Variants in KATNIP observed in about 807,000 individuals in gnomAD.
The protein encoded by KATNIP is katanin-interacting protein.
In KATNIP, 126 loss-of-function variants were observed where a neutral mutation model predicts 174.0. That is an observed-to-expected ratio of 0.72 (90% CI 0.63 to 0.84). KATNIP has a LOEUF of 0.84. Among genes scored for constraint, KATNIP ranks in the 40% least tolerant of loss-of-function variants. The pLI is 0.00. For synonymous variants in KATNIP, 810 were observed against 835.7 expected, an observed-to-expected ratio of 0.97 and a Z score of 0.53; for missense variants, 1,958 against 2,109.7, an observed-to-expected ratio of 0.93 and a Z score of 1.41.
At chr16:27,738,253 G>T (rs536086844) in intron 14 of KATNIP, among the ~76,000 whole-genome samples, 4 of 152,274 alleles carry the variant, frequency 2.6e-5, no homozygotes, top group Non-Finnish European at 5.9e-5. Context: ...CCATAAGTGG[G>T]TGGTTGCCTG....
intron 2 of KATNIP, among the ~76,000 whole-genome samples, chr16:27,610,876 C>T (rs2075870733): frequency 6.6e-6 from 1 of 152,214 alleles, no homozygotes; most frequent in Non-Finnish European, 1.5e-5. Context: ...TCATCAGAAA[C>T]TCAAAAGAAT....
At chr16:27,615,516 G>T (rs552413000) in intron 2 of KATNIP, among the ~76,000 whole-genome samples, 1 of 151,936 alleles carries the variant, frequency 6.6e-6, no homozygotes, top group South Asian at 2.1e-4. Context: ...CACCATGCCT[G>T]ACTAATTTTT....
At chr16:27,741,048 T>C (rs1429615168) in intron 15 of KATNIP, 128 bp downstream of exon 15, 2 of 946,402 alleles carry the variant, frequency 2.1e-6, no homozygotes, top group Non-Finnish European at 3.1e-6. Flanking sequence ...CAACTAAGGG[T>C]CACAAAATCA....
chr16:27,602,486 A>G (rs1414573386), intron 2 of KATNIP, among the ~76,000 whole-genome samples: 3 of 152,184 alleles, frequency 2.0e-5, no homozygotes, highest in African/African-American at 7.2e-5. Flanking sequence ...TGTTCCTGCC[A>G]TCTGAAAGCC....
intron 8 of KATNIP, among the ~76,000 whole-genome samples, chr16:27,690,487 C>T (rs1597181507): frequency 1.3e-5 from 2 of 152,310 alleles, no homozygotes; most frequent in South Asian, 2.1e-4. Flanking sequence ...CACATTGCAG[C>T]GGTCCACATA....
rs974208420 is a variant in KATNIP, at chr16:27,768,480, G to A, written c.3976-1381G>A. ...TTGCCATCACTGAATCTACTTTTGG[G>A]CGACTCTGTCCAGGGCACACTCTGG... On this transcript the variant is annotated intron_variant, in intron 20 of 27. Coordinates refer to ENST00000261588, the MANE Select transcript of KATNIP (RefSeq NM_015202.5). Among the ~76,000 whole-genome samples the A allele has an allele frequency of 5.2e-4, 79 of 152,098 alleles. 1 individual carries two copies. The highest frequency in any genetic ancestry group is 1.6e-4 in the Non-Finnish European group (11 of 68,024).
intron 1 of KATNIP, among the ~76,000 whole-genome samples, chr16:27,550,431 G>GGGAT (rs1279754990): frequency 6.6e-6 from 1 of 152,148 alleles, no homozygotes; most frequent in African/African-American, 2.4e-5. Context: ...GCTCAGTGAA[G>GGGAT]GGATGTAGGG....
At chr16:27,631,310 G>A (rs561580108) in intron 5 of KATNIP, 148 bp downstream of exon 5, 1 of 608,182 alleles carries the variant, frequency 1.6e-6, no homozygotes, top group South Asian at 2.1e-5. Flanking sequence ...AGGGTGAGGT[G>A]GGAGGATCAC....
chr16:27,704,388 G>A (rs138191492), intron 12 of KATNIP, among the ~76,000 whole-genome samples: 8 of 152,254 alleles, frequency 5.3e-5, no homozygotes, highest in African/African-American at 1.2e-4. Flanking sequence ...ATAAAGCTGC[G>A]GCAGTCCCAC....
At chr16:27,711,002 G>A (rs565700198) in intron 13 of KATNIP, among the ~76,000 whole-genome samples, 3 of 152,292 alleles carry the variant, frequency 2.0e-5, no homozygotes, top group Non-Finnish European at 4.4e-5. Context: ...TGAAAAATGG[G>A]AGATTGGGTC....
At chr16:27,698,291 T>C (rs1478049905) in intron 8 of KATNIP, 37 bp from the exon 9 acceptor site, 1 of 1,575,854 alleles carries the variant, frequency 6.3e-7, no homozygotes, top group Non-Finnish European at 8.6e-7. Context: ...TCCGAGAATA[T>C]AATCTAAAAG....
At chr16:27,683,051 T>G (rs1210852938) in intron 8 of KATNIP, among the ~76,000 whole-genome samples, 1 of 152,150 alleles carries the variant, frequency 6.6e-6, no homozygotes, top group Non-Finnish European at 1.5e-5. Flanking sequence ...TTCCTTTCCT[T>G]TTGATATTAC....
intron 2 of KATNIP, among the ~76,000 whole-genome samples, chr16:27,576,286 C>T (rs2090493457): frequency 6.6e-6 from 1 of 152,120 alleles, no homozygotes; most frequent in Non-Finnish European, 1.5e-5. Context: ...CATTTCTCTC[C>T]TGGGAAGTGC....
chr16:27,757,759 C>T (rs948082669), intron 18 of KATNIP, among the ~76,000 whole-genome samples: 2 of 152,214 alleles, frequency 1.3e-5, no homozygotes, highest in African/African-American at 4.8e-5. Context: ...AAATCCTCAA[C>T]CTGCTTCACC....
intron 6 of KATNIP, chr16:27,659,925 A>G (rs1213939077): frequency 1.3e-6 from 1 of 773,836 alleles, no homozygotes; most frequent in Non-Finnish European, 1.6e-6. Context: ...TCTTCTGAGC[A>G]TGCACCCCCA....
chr16:27,703,167 C>CAA (rs1032003109), intron 11 of KATNIP, among the ~76,000 whole-genome samples: 6 of 122,834 alleles, frequency 4.9e-5, no homozygotes, highest in African/African-American at 1.8e-4. Context: ...AACTCCATCT[C>CAA]AAAAAAAAAA....
At chr16:27,611,409 G>T (rs1275530985) in intron 2 of KATNIP, among the ~76,000 whole-genome samples, 1 of 152,130 alleles carries the variant, frequency 6.6e-6, no homozygotes, top group African/African-American at 2.4e-5. Context: ...TCAGAACAAC[G>T]AGGGTTAACT....
intron 19 of KATNIP, among the ~76,000 whole-genome samples, chr16:27,762,193 C>T (rs566644349): frequency 2.0e-5 from 3 of 152,290 alleles, no homozygotes; most frequent in South Asian, 4.2e-4. Flanking sequence ...AGGGTCTGGG[C>T]GCTGCTTAGA....
intron 5 of KATNIP, among the ~76,000 whole-genome samples, chr16:27,642,101 A>G (rs1384952002): frequency 6.6e-6 from 1 of 152,240 alleles, no homozygotes; most frequent in Non-Finnish European, 1.5e-5. Flanking sequence ...GGCACTATTC[A>G]CAATAGCAAA....
Sources: gnomAD v4.1 joint callset for allele counts (sites outside exome capture counted in the v4.1 genomes callset) on GRCh38, gnomAD v4.1.1 for gene constraint, MANE v1.5 for transcripts, NCBI Gene and HGNC (gene_info 2026-07-23, HGNC 2026-07-21) for gene names.